Variants in OR4Q3 observed in about 807,000 individuals in gnomAD.
OR4Q3 encodes the protein olfactory receptor 4Q3.
Under a neutral mutation model 18.8 loss-of-function variants are expected in OR4Q3, and 17 were observed. That is an observed-to-expected ratio of 0.91 (90% CI 0.62 to 1.36). OR4Q3 has a LOEUF of 1.36. Among genes scored for constraint, OR4Q3 ranks in the 40% most tolerant of loss-of-function variants. The probability of loss-of-function intolerance (pLI) is 0.00; values close to 1 mark genes in which losing one functional copy is unlikely to be tolerated. For synonymous variants in OR4Q3, 158 were observed against 145.8 expected, an observed-to-expected ratio of 1.08 and a Z score of -0.60; for missense variants, 378 against 373.4, an observed-to-expected ratio of 1.01 and a Z score of -0.10.
At chr14:19,751,393 T>A, downstream of OR4Q3, among the ~76,000 whole-genome samples, 3 of 152,228 alleles carry the variant, frequency 2.0e-5, no homozygotes, top group Non-Finnish European at 4.4e-5. Context: ...GCTAGCTTCA[T>A]AGAATGAGTT....
At chr14:19,744,983 C>T in intron 1 of OR4Q3, among the ~76,000 whole-genome samples, 2 of 152,184 alleles carry the variant, frequency 1.3e-5, no homozygotes, top group South Asian at 2.1e-4. Flanking sequence ...TAAAAGGGAG[C>T]TTTCTATATT....
downstream of OR4Q3, among the ~76,000 whole-genome samples, chr14:19,751,735 T>G: frequency 6.6e-6 from 1 of 151,858 alleles, no homozygotes; most frequent in Admixed American, 6.6e-5. Context: ...TCAGTTGTAA[T>G]GTCATTTTTG....
At chr14:19,749,079 G>A in exon 2 of OR4Q3, 2 of 152,438 alleles carry the variant, frequency 1.3e-5, no homozygotes, top group Non-Finnish European at 2.9e-5. Flanking sequence ...TTCTTTGATT[G>A]GAATTACAGT....
chr14:19,748,050 C>T, exon 2 of OR4Q3: 1 of 1,613,926 alleles, frequency 6.2e-7, no homozygotes, highest in African/African-American at 1.3e-5. Context: ...GGTCTGCTGT[C>T]TCTTGTCTGC....
chr14:19,744,177 C>A (rs1174703454), intron 1 of OR4Q3, among the ~76,000 whole-genome samples: 3 of 152,122 alleles, frequency 2.0e-5, no homozygotes, highest in Non-Finnish European at 4.4e-5. Context: ...CTGTAGGTAC[C>A]ATCTTCAACT....
At chr14:19,748,973 G>C in exon 2 of OR4Q3, 1 of 153,202 alleles carries the variant, frequency 6.5e-6, no homozygotes, top group Non-Finnish European at 1.5e-5. Flanking sequence ...TTATGCGTGA[G>C]AGAAAGGAAG....
chr14:19,746,571 T>A, intron 1 of OR4Q3, among the ~76,000 whole-genome samples: 2 of 152,178 alleles, frequency 1.3e-5, no homozygotes, highest in Non-Finnish European at 2.9e-5. Context: ...GTGATTAGTG[T>A]CTTTTAATCA....
downstream of OR4Q3, among the ~76,000 whole-genome samples, chr14:19,751,485 A>T: frequency 6.6e-6 from 1 of 151,884 alleles, no homozygotes; most frequent in African/African-American, 2.4e-5. Context: ...TGTCTGGTAG[A>T]ATTCAACTGT....
At position 19,747,821 on chromosome 14, in the gene OR4Q3, C is replaced by A; in HGVS notation, c.418C>A (p.Arg140Ser). Residue 140 changes from arginine to serine, a missense_variant, in exon 2 of 2, where the codon CGC (arginine) becomes AGC (serine). By Grantham distance (110) the Arg-to-Ser change is moderately radical. Transcript: ENST00000642117. ...GTATGTTGCCATCTGTAACCCTTTG[C>A]GCTACCTTACAGTCATGAACCCCCA... is the stretch of plus-strand genomic sequence containing the variant. 3.1e-6 allele frequency: 5 copies of A among 1,613,856 alleles called. No individual in the cohort carries two copies. The African/African-American group carries it at 5.3e-5, about 17-fold the overall frequency.
exon 2 of OR4Q3, chr14:19,747,881 G>A: frequency 6.2e-7 from 1 of 1,614,020 alleles, no homozygotes; most frequent in Non-Finnish European, 8.5e-7. Flanking sequence ...CTGCTGGTGT[G>A]GGGGTTTTAT....
exon 2 of OR4Q3, chr14:19,748,193 G>T: frequency 1.2e-6 from 2 of 1,613,816 alleles, no homozygotes; most frequent in East Asian, 2.2e-5. Flanking sequence ...CGTGCCATGC[G>T]TATTCATCTA....
downstream of OR4Q3, among the ~76,000 whole-genome samples, chr14:19,750,903 A>G: frequency 6.6e-6 from 1 of 152,252 alleles, no homozygotes; most frequent in Non-Finnish European, 1.5e-5. Context: ...GAAGAGCAGT[A>G]TGATATCCCG....
At chr14:19,750,927 G>T, downstream of OR4Q3, among the ~76,000 whole-genome samples, 1 of 152,192 alleles carries the variant, frequency 6.6e-6, no homozygotes, top group African/African-American at 2.4e-5. Flanking sequence ...ATAATATGTT[G>T]GATATCCTGA....
At chr14:19,750,304 A>G, downstream of OR4Q3, among the ~76,000 whole-genome samples, 1 of 152,164 alleles carries the variant, frequency 6.6e-6, no homozygotes, top group African/African-American at 2.4e-5. Flanking sequence ...AATTTCTATA[A>G]TACCTGTATA....
intron 1 of OR4Q3, among the ~76,000 whole-genome samples, chr14:19,745,693 CA>C: frequency 6.6e-6 from 1 of 152,164 alleles, no homozygotes; most frequent in Non-Finnish European, 1.5e-5. Context: ...AAAAGAACAT[CA>C]AAATGAGATT....
intron 1 of OR4Q3, among the ~76,000 whole-genome samples, chr14:19,746,805 A>G: frequency 6.6e-6 from 1 of 152,222 alleles, no homozygotes; most frequent in Non-Finnish European, 1.5e-5. Flanking sequence ...TTTACAAAAC[A>G]TTCTTCCTTC....
chr14:19,748,079 T>G lies in OR4Q3; in HGVS notation c.676T>G (p.Ser226Ala). The change falls in exon 2 of 2, where the codon TCT (serine) becomes GCT (alanine). Residue 226 changes from serine (S) to alanine (A), a missense_variant. Ser to Ala is a moderately conservative substitution (Grantham distance 99, BLOSUM62 1). Coordinates refer to ENST00000642117, the Ensembl canonical transcript of OR4Q3. ...TGTCTGCTTCTTGGTCTTACTATTC[T>G]CTTATGCTATCATCCTGATCACCCT... 24 of 1,613,958 alleles carry G rather than the reference T, an allele frequency of 1.5e-5. No individual in the cohort carries two copies. The African/African-American group carries it at 2.9e-4, about 20-fold the overall frequency.
chr14:19,745,546 G>GA, intron 1 of OR4Q3, among the ~76,000 whole-genome samples: 7 of 152,182 alleles, frequency 4.6e-5, no homozygotes, highest in African/African-American at 1.7e-4. Context: ...CTGGCTTCTA[G>GA]AAACCTTTTT....
chr14:19,748,249 G>C lies in OR4Q3; in HGVS notation c.846G>C (p.Leu282Phe). 2.0e-5 allele frequency: 33 copies of C among 1,613,830 alleles called. No individual in the cohort carries two copies. Among genetic ancestry groups the C allele is most frequent in the Non-Finnish European group, 2.7e-5 (32 of 1,179,808 alleles). Reference sequence around the variant, plus strand: ...TCTCTGTGGATAAGATATTCTCCTTGTTTTACACAGTGATTACACCTATGT... The same window carrying C: ...TCTCTGTGGATAAGATATTCTCCTTCTTTTACACAGTGATTACACCTATGT... The change falls in exon 2 of 2, where the codon TTG becomes TTC. Residue 282 changes from leucine (L) to phenylalanine (F), a missense_variant. Transcript: ENST00000642117.
Sources: allele counts gnomAD v4.1 joint callset (sites outside exome capture counted in the v4.1 genomes callset), GRCh38; gene constraint gnomAD v4.1.1; transcripts MANE v1.5; gene names NCBI Gene and HGNC (gene_info 2026-07-23, HGNC 2026-07-21).